OSBPL10: variants seen among roughly 807,000 people sequenced by gnomAD.
OSBPL10 encodes the protein oxysterol-binding protein-related protein 10.
OSBPL10 carries 49 observed loss-of-function variants against 81.7 expected under a neutral mutation model. The observed-to-expected ratio is 0.60, with a 90% CI of 0.48 to 0.76. The LOEUF (loss-of-function observed/expected upper bound fraction) is 0.76, where lower values mean the gene tolerates loss of function less well. OSBPL10 is among the 30% of genes least tolerant of loss of function. The pLI is 0.00. For missense variants in OSBPL10, 923 were observed against 987.8 expected (o/e 0.93, Z 0.88); for synonymous variants, 419 against 383.6 (o/e 1.09, Z -1.08).
intron 1 of OSBPL10, among the ~76,000 whole-genome samples, chr3:32,068,989 C>G (rs1373566212): frequency 6.6e-6 from 1 of 152,132 alleles, no homozygotes; most frequent in African/African-American, 2.4e-5. Flanking sequence ...CTCCCCTCCC[C>G]ACACCCGGTC....
chr3:31,990,375 C>A (rs772028688), intron 2 of OSBPL10: 1 of 1,613,824 alleles, frequency 6.2e-7, no homozygotes, highest in African/African-American at 1.3e-5. Flanking sequence ...ATAAATGTGG[C>A]AAATTTTTTA....
At chr3:31,732,458 A>G (rs1697004216) in intron 6 of OSBPL10, 1 of 152,228 alleles carries the variant, frequency 6.6e-6, no homozygotes, top group South Asian at 2.1e-4. Context: ...AAATGATTTC[A>G]ATGGAAATTA....
chr3:32,030,771 TTC>T (rs1699459514), intron 2 of OSBPL10: 3 of 612,814 alleles, frequency 4.9e-6, no homozygotes, highest in African/African-American at 1.9e-5. Flanking sequence ...ACATAAAATA[TTC>T]TCTGTTTGGA....
chr3:31,685,998 C>A (rs1006540781), intron 7 of OSBPL10, among the ~76,000 whole-genome samples: 3 of 152,162 alleles, frequency 2.0e-5, no homozygotes, highest in Non-Finnish European at 4.4e-5. Flanking sequence ...CCTTCAGGAG[C>A]GAGTTCTCAC....
At chr3:32,044,694 T>C (rs1699607403) in intron 2 of OSBPL10, among the ~76,000 whole-genome samples, 1 of 136,444 alleles carries the variant, frequency 7.3e-6, no homozygotes, top group Non-Finnish European at 1.5e-5. Context: ...TGAGCCAAGA[T>C]TGCATCATTG....
intron 2 of OSBPL10, among the ~76,000 whole-genome samples, chr3:32,001,615 T>A (rs1217544389): frequency 6.6e-6 from 1 of 152,164 alleles, no homozygotes; most frequent in Non-Finnish European, 1.5e-5. Context: ...CCAGAGAAAA[T>A]TAATTGGCAT....
intron 6 of OSBPL10, among the ~76,000 whole-genome samples, chr3:31,724,340 C>G (rs1200028302): frequency 6.6e-6 from 1 of 152,128 alleles, no homozygotes; most frequent in Non-Finnish European, 1.5e-5. Flanking sequence ...CTCCCCAGCA[C>G]TCTGGTGGGT....
At chr3:31,908,487 G>A (rs765107029) in intron 1 of OSBPL10, among the ~76,000 whole-genome samples, 3 of 152,182 alleles carry the variant, frequency 2.0e-5, no homozygotes, top group Admixed American at 6.5e-5. Flanking sequence ...TGCACCTGCA[G>A]CCTGATAACT....
chr3:31,830,247 G>A lies in OSBPL10; in HGVS notation c.538-16C>T, dbSNP rs1353558358. The A allele has an allele frequency of 1.9e-6, 3 of 1,604,818 alleles. No individual in the cohort carries two copies. The highest frequency in any genetic ancestry group is 2.6e-6 in the Non-Finnish European group (3 of 1,175,698). ...TTGGAGCACTCTAGAATAAGCAACA[G>A]GTGTCAAAACTCAACAACTGACCTG... On this transcript the variant is annotated splice_polypyrimidine_tract_variant and intron_variant, in intron 3 of 11. Coordinates refer to ENST00000396556, the MANE Select transcript of OSBPL10 (RefSeq NM_017784.5).
In OSBPL10 at chr3:31,893,541, CAG is replaced by C. The variant is rs777447601; in HGVS notation, c.282-13713_282-13712del. Among the ~76,000 whole-genome samples the C allele has an allele frequency of 4.1e-4, 62 of 152,204 alleles. 1 individual carries two copies. Among genetic ancestry groups the C allele is most frequent in the Admixed American group, 1.4e-3 (22 of 15,290 alleles). On this transcript the variant is annotated intron_variant, in intron 1 of 11. Transcript: ENST00000396556. ...GTTTCACTCCTAAGAATCTACTAAACAGAAATTAAAACAAATGTCTACACCAA... is the reference window on the plus strand; with the variant it reads ...GTTTCACTCCTAAGAATCTACTAAACAAATTAAAACAAATGTCTACACCAA...
chr3:31,879,592 C>A, intron 2 of OSBPL10, 63 bp downstream of exon 2: 1 of 1,506,754 alleles, frequency 6.6e-7, no homozygotes, highest in Non-Finnish European at 8.9e-7. Context: ...AATCAAAAAA[C>A]AAGAGAGCCA....
intron 7 of OSBPL10, among the ~76,000 whole-genome samples, chr3:31,702,141 T>C (rs919334340): frequency 8.5e-5 from 13 of 152,180 alleles, no homozygotes; most frequent in Non-Finnish European, 1.9e-4. Context: ...CCTCCCAAGA[T>C]CAAATGCAGG....
Position 31,993,681 on chromosome 3 carries a change from TACAC to T in OSBPL10, n.298+52806_298+52809del, listed in dbSNP as rs139678560. 4.9e-3 allele frequency among the ~76,000 whole-genome samples: 727 copies of T among 147,288 alleles called. 5 individuals carry two copies. Among genetic ancestry groups the T allele is most frequent in the African/African-American group, 0.017 (660 of 39,982 alleles). ...ACCTATTAACATGACTACACACACATACACACACACACACACACACACACAAAAC... is the reference window on the plus strand; with the variant it reads ...ACCTATTAACATGACTACACACACATACACACACACACACACACACAAAAC... On this transcript the variant is annotated intron_variant and non_coding_transcript_variant, in intron 2 of 3. Transcript: ENST00000479173.
chr3:31,726,303 C>A (rs924678562), intron 6 of OSBPL10, among the ~76,000 whole-genome samples: 3 of 148,690 alleles, frequency 2.0e-5, no homozygotes, highest in Non-Finnish European at 4.4e-5. Flanking sequence ...CAAAAAGTGT[C>A]TTTTTAATTT....
intron 5 of OSBPL10, among the ~76,000 whole-genome samples, chr3:31,736,227 G>GTGTACACATAGAATGTGTACTGAGA (rs1697170480): frequency 6.6e-6 from 1 of 152,082 alleles, no homozygotes; most frequent in Non-Finnish European, 1.5e-5. Context: ...CACATAAAAT[G>GTGTACACATAGAATGTGTACTGAGA]TGTACACATA....
chr3:31,765,992 T>C (rs991517024), intron 4 of OSBPL10, among the ~76,000 whole-genome samples: 4 of 152,170 alleles, frequency 2.6e-5, no homozygotes, highest in African/African-American at 4.8e-5. Context: ...CCGTCTCTTA[T>C]TTCTCTCTAT....
intron 2 of OSBPL10, among the ~76,000 whole-genome samples, chr3:32,020,926 G>A (rs1384752138): frequency 2.0e-5 from 3 of 152,220 alleles, no homozygotes; most frequent in Non-Finnish European, 4.4e-5. Flanking sequence ...GAGGCTGGAT[G>A]TCTAAGATCA....
intron 4 of OSBPL10, among the ~76,000 whole-genome samples, chr3:31,803,874 G>A (rs1699457881): frequency 1.3e-5 from 2 of 152,138 alleles, no homozygotes. Flanking sequence ...ATCATATTTG[G>A]TGGTACATGT....
At chr3:31,908,064 G>A (rs760361723) in intron 1 of OSBPL10, among the ~76,000 whole-genome samples, 22 of 152,090 alleles carry the variant, frequency 1.4e-4, no homozygotes, top group Non-Finnish European at 2.6e-4. Flanking sequence ...AAAGCATGGT[G>A]GCGGTAAAAA....
Sources: gnomAD v4.1 joint callset for allele counts (sites outside exome capture counted in the v4.1 genomes callset) on GRCh38, gnomAD v4.1.1 for gene constraint, MANE v1.5 for transcripts, NCBI Gene and HGNC (gene_info 2026-07-23, HGNC 2026-07-21) for gene names.